UVRAG: variants seen among roughly 807,000 people sequenced by gnomAD.
UVRAG encodes the protein UV radiation resistance-associated gene protein.
A neutral mutation model predicts 78.0 loss-of-function variants in UVRAG; 19 were observed. The observed-to-expected ratio is 0.24, with a 90% CI of 0.17 to 0.36. The LOEUF (loss-of-function observed/expected upper bound fraction) is 0.36. Among genes scored for constraint, UVRAG ranks in the 10% least tolerant of loss-of-function variants. The pLI is 1.00. For synonymous variants in UVRAG, 323 were observed against 324.6 expected, an observed-to-expected ratio of 1.00 and a Z score of 0.05; for missense variants, 740 against 853.8, an observed-to-expected ratio of 0.87 and a Z score of 1.66.
intron 14 of UVRAG, among the ~76,000 whole-genome samples, chr11:76,125,663 A>G (rs925664186): frequency 2.6e-5 from 4 of 152,176 alleles, no homozygotes; most frequent in Non-Finnish European, 4.4e-5. Context: ...AAGTCTCTGA[A>G]CCAAATTGAG....
chr11:76,127,696 C>T (rs1271197287), intron 14 of UVRAG, among the ~76,000 whole-genome samples: 4 of 151,238 alleles, frequency 2.6e-5, no homozygotes, highest in Non-Finnish European at 4.4e-5. Flanking sequence ...GTAGCTCACA[C>T]CTGTAATCCC....
intron 14 of UVRAG, among the ~76,000 whole-genome samples, chr11:76,125,426 G>C (rs1275697731): frequency 6.6e-6 from 1 of 152,162 alleles, no homozygotes; most frequent in African/African-American, 2.4e-5. Flanking sequence ...TAGGGGACCA[G>C]GCTTCTTCCA....
At chr11:75,888,047 A>G (rs1254500240) in intron 4 of UVRAG, among the ~76,000 whole-genome samples, 1 of 152,216 alleles carries the variant, frequency 6.6e-6, no homozygotes, top group Admixed American at 6.5e-5. Flanking sequence ...GACATTTAAG[A>G]CTTTAGGGAT....
chr11:75,885,175 T>G (rs1273415154), intron 4 of UVRAG, among the ~76,000 whole-genome samples: 1 of 152,136 alleles, frequency 6.6e-6, no homozygotes, highest in East Asian at 1.9e-4. Flanking sequence ...TATATATCTC[T>G]GTACTGAGCT....
intron 6 of UVRAG, among the ~76,000 whole-genome samples, chr11:75,939,123 A>G (rs1948435043): frequency 6.6e-6 from 1 of 152,006 alleles, no homozygotes; most frequent in Non-Finnish European, 1.5e-5. Context: ...AGGTGGGATT[A>G]AATGCAGTCT....
intron 7 of UVRAG, among the ~76,000 whole-genome samples, chr11:75,972,273 T>G (rs1314159424): frequency 6.6e-6 from 1 of 152,192 alleles, no homozygotes; most frequent in Admixed American, 6.5e-5. Context: ...TTTGGTGTTA[T>G]GTCTAAAAAG....
rs574807256 is a variant in UVRAG, at chr11:76,129,880, C to G, written c.1398-10831C>G. 2.0e-5 allele frequency among the ~76,000 whole-genome samples: 3 copies of G among 152,252 alleles called. No homozygotes were observed. In the South Asian group the frequency reaches 6.2e-4, roughly 32 times the overall value. On this transcript the variant is annotated intron_variant, in intron 14 of 14. Coordinates refer to ENST00000356136, the MANE Select transcript of UVRAG (RefSeq NM_003369.4). Reference sequence around the variant, plus strand: ...CCAAAGTATAAATGTCTCTCTCTCTCTCTCTCTCTGCACCTCTGACACACA... The same window carrying G: ...CCAAAGTATAAATGTCTCTCTCTCTGTCTCTCTCTGCACCTCTGACACACA...
chr11:76,101,156 T>C (rs1463417033), intron 13 of UVRAG, among the ~76,000 whole-genome samples: 1 of 152,124 alleles, frequency 6.6e-6, no homozygotes, highest in Non-Finnish European at 1.5e-5. Context: ...AATGGTACTT[T>C]TGTTTTTAGC....
At chr11:75,999,579 C>T (rs1949772370) in intron 8 of UVRAG, among the ~76,000 whole-genome samples, 1 of 151,970 alleles carries the variant, frequency 6.6e-6, no homozygotes, top group Non-Finnish European at 1.5e-5. Flanking sequence ...CGGGGTTTCA[C>T]TATGTTGGTC....
chr11:75,851,869 T>C lies in UVRAG; in HGVS notation c.118-14T>C, dbSNP rs1388696056. The stretch of plus-strand genomic sequence containing the variant: ...AAATCTGAATGCCTTCTCTTTTTTG[T>C]TGTTATTTTTCAGCGGCGTCTTCGA... On this transcript the variant is annotated splice_polypyrimidine_tract_variant and intron_variant, in intron 1 of 14. Transcript: ENST00000356136. 1.2e-5 allele frequency: 19 copies of C among 1,590,712 alleles called. No homozygotes were observed. The highest frequency in any genetic ancestry group is 1.6e-5 in the Non-Finnish European group (19 of 1,172,388).
At chr11:75,890,429 G>T (rs1238840922) in intron 5 of UVRAG, among the ~76,000 whole-genome samples, 3 of 152,210 alleles carry the variant, frequency 2.0e-5, no homozygotes, top group Non-Finnish European at 1.5e-5. Context: ...CTGATGATTT[G>T]AATTTAAGGC....
chr11:76,035,780 A>T (rs1055410224), intron 12 of UVRAG, among the ~76,000 whole-genome samples: 1 of 152,202 alleles, frequency 6.6e-6, no homozygotes, highest in African/African-American at 2.4e-5. Context: ...ACTTCATGCC[A>T]TATATTTTTA....
chr11:76,092,112 T>G (rs1321055223), intron 13 of UVRAG, among the ~76,000 whole-genome samples: 1 of 152,148 alleles, frequency 6.6e-6, no homozygotes, highest in Non-Finnish European at 1.5e-5. Context: ...CTTGAGATAG[T>G]TTGCTGAGAA....
intron 2 of UVRAG, among the ~76,000 whole-genome samples, chr11:75,858,802 A>G (rs1247347365): frequency 6.6e-6 from 1 of 152,252 alleles, no homozygotes; most frequent in Admixed American, 6.5e-5. Context: ...ATAATTTTGC[A>G]GTATAGCTTA....
chr11:75,884,240 T>TCTCTCTCTCTCTCTCTC (rs1555080662), intron 4 of UVRAG, among the ~76,000 whole-genome samples: 3 of 132,466 alleles, frequency 2.3e-5, no homozygotes, highest in South Asian at 2.6e-4. Context: ...CTCTCTCTCT[T>TCTCTCTCTCTCTCTCTC]TCTCTCTCTC....
At chr11:75,863,723 A>G (rs1025765608) in intron 3 of UVRAG, among the ~76,000 whole-genome samples, 14 of 152,196 alleles carry the variant, frequency 9.2e-5, no homozygotes, top group African/African-American at 3.1e-4. Flanking sequence ...GTCTCCAAAG[A>G]ATACTGTAGA....
At chr11:76,049,503 T>A (rs916361168) in intron 12 of UVRAG, among the ~76,000 whole-genome samples, 4 of 152,162 alleles carry the variant, frequency 2.6e-5, no homozygotes, top group African/African-American at 9.7e-5. Flanking sequence ...GGAGAAGAAA[T>A]CCCTTAGTTT....
At chr11:76,041,212 T>TTTC (rs10688560) in intron 12 of UVRAG, among the ~76,000 whole-genome samples, 1 of 152,010 alleles carries the variant, frequency 6.6e-6, no homozygotes, top group African/African-American at 2.4e-5. Context: ...ATGGATTTAT[T>TTTC]GGGACAAGAT....
chr11:76,034,854 A>G (rs1950502612), intron 12 of UVRAG, among the ~76,000 whole-genome samples: 1 of 152,340 alleles, frequency 6.6e-6, no homozygotes, highest in African/African-American at 2.4e-5. Flanking sequence ...TCCCAGGTTC[A>G]TGATGTGGAG....
Sources: allele counts gnomAD v4.1 joint callset (sites outside exome capture counted in the v4.1 genomes callset), GRCh38; gene constraint gnomAD v4.1.1; transcripts MANE v1.5; gene names NCBI Gene and HGNC (gene_info 2026-07-23, HGNC 2026-07-21).